TNIK: variants seen among roughly 807,000 people sequenced by gnomAD.
TNIK encodes TRAF2 and NCK interacting kinase.
A neutral mutation model predicts 191.3 loss-of-function variants in TNIK; 49 were observed. The observed-to-expected ratio is 0.26, with a 90% CI of 0.20 to 0.32. The LOEUF (loss-of-function observed/expected upper bound fraction) is 0.32, where lower values mean the gene tolerates loss of function less well. TNIK is among the 10% of genes least tolerant of loss of function. The pLI is 1.00. For missense variants in TNIK, 1,155 were observed against 1,702.3 expected (o/e 0.68, Z 5.66); for synonymous variants, 594 against 600.9 (o/e 0.99, Z 0.17).
chr3:171,241,107 C>T (rs1468457567), intron 2 of TNIK, among the ~76,000 whole-genome samples: 4 of 151,680 alleles, frequency 2.6e-5, no homozygotes, highest in African/African-American at 7.3e-5. Context: ...CTTGGCTCAC[C>T]GCAACCTCCA....
At chr3:171,315,584 A>T (rs1327552723) in intron 2 of TNIK, among the ~76,000 whole-genome samples, 1 of 152,186 alleles carries the variant, frequency 6.6e-6, no homozygotes. Context: ...ACAGTTCTGG[A>T]AGTGAGGAGT....
intron 2 of TNIK, among the ~76,000 whole-genome samples, chr3:171,283,421 C>T (rs1270757747): frequency 1.3e-5 from 2 of 152,078 alleles, no homozygotes; most frequent in East Asian, 3.8e-4. Context: ...GGAAGGGGAT[C>T]GCCAAAACCA....
chr3:171,326,791 T>G (rs1755817161), intron 2 of TNIK, among the ~76,000 whole-genome samples: 1 of 152,206 alleles, frequency 6.6e-6, no homozygotes, highest in Admixed American at 6.5e-5. Flanking sequence ...TTAATTTATT[T>G]GTTCACATTG....
At chr3:171,335,828 A>G (rs1398809135) in intron 2 of TNIK, among the ~76,000 whole-genome samples, 1 of 152,206 alleles carries the variant, frequency 6.6e-6, no homozygotes. Context: ...ATAAATAACC[A>G]TAAGAAACTA....
At chr3:171,347,163 G>A (rs181243543) in intron 2 of TNIK, 3 of 1,525,304 alleles carry the variant, frequency 2.0e-6, no homozygotes, top group African/African-American at 2.8e-5. Context: ...TGTCATGGGT[G>A]ACTCCTAGTT....
intron 1 of TNIK, among the ~76,000 whole-genome samples, chr3:171,426,023 A>G (rs1201244348): frequency 1.3e-5 from 2 of 152,050 alleles, no homozygotes; most frequent in Non-Finnish European, 2.9e-5. Context: ...TAGAATGAGA[A>G]ATACCGTTTG....
intron 2 of TNIK, among the ~76,000 whole-genome samples, chr3:171,323,522 G>C (rs1755402472): frequency 6.6e-6 from 1 of 152,096 alleles, no homozygotes; most frequent in South Asian, 2.1e-4. Flanking sequence ...GTCAGTGTTG[G>C]GCACTGACAA....
intron 4 of TNIK, among the ~76,000 whole-genome samples, chr3:171,208,302 C>A: frequency 6.6e-6 from 1 of 150,856 alleles, no homozygotes; most frequent in African/African-American, 2.4e-5. Context: ...GCCTGGAGGA[C>A]AGAGCAAGAC....
chr3:171,390,259 C>T (rs930846771), intron 1 of TNIK, among the ~76,000 whole-genome samples: 2 of 152,144 alleles, frequency 1.3e-5, no homozygotes, highest in Non-Finnish European at 2.9e-5. Context: ...TAATTACTCT[C>T]GGTACTTTCG....
At position 171,197,608 on chromosome 3, in the gene TNIK, T is replaced by C. The variant is rs533454016; in HGVS notation, c.307-2973A>G. On this transcript the variant is annotated intron_variant, in intron 4 of 32. Transcript: ENST00000436636. ...AATGGGCAAAGGACTTGAATAGACATTCCTCCAAAGAAGATATACAAATGG... is the reference window on the plus strand; with the variant it reads ...AATGGGCAAAGGACTTGAATAGACACTCCTCCAAAGAAGATATACAAATGG... Among the ~76,000 whole-genome samples, 3 of 152,290 alleles carry C rather than the reference T, an allele frequency of 2.0e-5. No homozygotes were observed. In the South Asian group the frequency reaches 6.2e-4, roughly 32 times the overall value.
intron 3 of TNIK, among the ~76,000 whole-genome samples, chr3:171,227,228 A>C (rs1743074973): frequency 6.6e-6 from 1 of 152,174 alleles, no homozygotes. Context: ...AAAACATTAG[A>C]TTGTATTTAA....
At chr3:171,268,900 T>C (rs993393059) in intron 2 of TNIK, among the ~76,000 whole-genome samples, 2 of 152,190 alleles carry the variant, frequency 1.3e-5, no homozygotes, top group South Asian at 2.1e-4. Context: ...CATGGAGTGA[T>C]GCAAATTCAA....
intron 18 of TNIK, among the ~76,000 whole-genome samples, chr3:171,120,552 C>G (rs536727625): frequency 1.3e-5 from 2 of 152,228 alleles, no homozygotes; most frequent in South Asian, 4.1e-4. Context: ...ATCTCCTGAC[C>G]TCGTGATCCA....
At chr3:171,454,413 TA>T (rs1318856891) in intron 1 of TNIK, among the ~76,000 whole-genome samples, 1 of 152,202 alleles carries the variant, frequency 6.6e-6, no homozygotes. Context: ...AAAAAAGGAA[TA>T]TTTCCTGAAA....
intron 2 of TNIK, among the ~76,000 whole-genome samples, chr3:171,361,176 G>T (rs1300801492): frequency 6.6e-6 from 1 of 152,162 alleles, no homozygotes; most frequent in Non-Finnish European, 1.5e-5. Context: ...GGAAGGTCTG[G>T]AATAAAACCT....
At chr3:171,399,197 T>C (rs573901072) in intron 1 of TNIK, among the ~76,000 whole-genome samples, 2 of 152,224 alleles carry the variant, frequency 1.3e-5, no homozygotes, top group South Asian at 2.1e-4. Context: ...TTCTGAAGCA[T>C]ATGTGCTCAA....
intron 2 of TNIK, among the ~76,000 whole-genome samples, chr3:171,344,769 C>T (rs550054799): frequency 4.6e-5 from 7 of 152,124 alleles, no homozygotes; most frequent in Admixed American, 3.9e-4. Context: ...AAACGATCCC[C>T]ATTTAATTAC....
Position 171,448,557 on chromosome 3 carries a change from T to C in TNIK, c.57+11450A>G, listed in dbSNP as rs560363929. ...GTCTCCTATTTGAGGTTACTATAAA[T>C]ATTCATGTACACTTTTTTTTTTTTT... On this transcript the variant is annotated intron_variant, in intron 1 of 32. Coordinates refer to ENST00000436636, the MANE Select transcript of TNIK (RefSeq NM_015028.4). 1.7e-3 allele frequency among the ~76,000 whole-genome samples: 253 copies of C among 150,908 alleles called. 1 individual carries two copies. Among genetic ancestry groups the C allele is most frequent in the African/African-American group, 5.9e-3 (239 of 40,738 alleles).
intron 1 of TNIK, among the ~76,000 whole-genome samples, chr3:171,434,350 G>C (rs1167882859): frequency 1.3e-5 from 2 of 152,076 alleles, no homozygotes; most frequent in Non-Finnish European, 2.9e-5. Flanking sequence ...AATTGTTATT[G>C]TTCTAATATA....
Sources: gnomAD v4.1 joint callset for allele counts (sites outside exome capture counted in the v4.1 genomes callset) on GRCh38, gnomAD v4.1.1 for gene constraint, MANE v1.5 for transcripts, NCBI Gene and HGNC (gene_info 2026-07-23, HGNC 2026-07-21) for gene names.